SUSD1: variants seen among roughly 807,000 people sequenced by gnomAD.
SUSD1 encodes the protein sushi domain-containing protein 1.
Under a neutral mutation model 86.9 loss-of-function variants are expected in SUSD1, and 65 were observed. That is an observed-to-expected ratio of 0.75 (90% CI 0.61 to 0.92). The LOEUF is 0.92. Among genes scored for constraint, SUSD1 ranks in the 40% least tolerant of loss-of-function variants. The pLI, the probability that SUSD1 is intolerant of heterozygous loss-of-function variation, is 0.00. For synonymous variants in SUSD1, 346 were observed against 350.0 expected, an observed-to-expected ratio of 0.99 and a Z score of 0.13; for missense variants, 850 against 929.7, an observed-to-expected ratio of 0.91 and a Z score of 1.11.
intron 5 of SUSD1, among the ~76,000 whole-genome samples, chr9:112,140,631 G>C (rs1197716333): frequency 1.3e-5 from 2 of 152,126 alleles, no homozygotes; most frequent in African/African-American, 4.8e-5. Context: ...AGCAGAAGCA[G>C]CAAAACAAAG....
chr9:112,122,324 C>A (rs1394775260), intron 6 of SUSD1, among the ~76,000 whole-genome samples: 1 of 152,140 alleles, frequency 6.6e-6, no homozygotes, highest in East Asian at 1.9e-4. Flanking sequence ...CCACACCTGG[C>A]AAATTTTTAA....
intron 8 of SUSD1, 24 bp from the exon 9 acceptor site, chr9:112,102,309 T>C: frequency 7.2e-7 from 1 of 1,384,784 alleles, no homozygotes; most frequent in Non-Finnish European, 1.0e-6. Flanking sequence ...GAGAGAGTTA[T>C]AGACAGCTTG....
At chr9:112,123,664 G>A (rs1170755256) in intron 6 of SUSD1, among the ~76,000 whole-genome samples, 1 of 152,026 alleles carries the variant, frequency 6.6e-6, no homozygotes, top group Non-Finnish European at 1.5e-5. Context: ...GCTGGGCATG[G>A]TGGTGGGCAC....
Position 112,147,844 on chromosome 9 carries a change from CT to C in SUSD1, c.373+1399del, listed in dbSNP as rs201940745. Reference sequence around the variant, plus strand: ...AAACACTAGATCATCATCTTATATGCTTTTTTTTTAGTGTCTTTTCTTCTTA... The same window carrying C: ...AAACACTAGATCATCATCTTATATGCTTTTTTTTAGTGTCTTTTCTTCTTA... On this transcript the variant is annotated intron_variant, in intron 3 of 16. Transcript: ENST00000374270. Among the ~76,000 whole-genome samples, 824 of 139,242 alleles carry C rather than the reference CT, an allele frequency of 5.9e-3. 4 individuals carry two copies. Among genetic ancestry groups the C allele is most frequent in the African/African-American group, 0.018 (624 of 34,402 alleles). The allele number at this position is 139,242 out of a possible 152,430, so 91.3% of individuals were successfully genotyped here.
chr9:112,096,350 C>T (rs1452053079), intron 10 of SUSD1, among the ~76,000 whole-genome samples: 1 of 152,136 alleles, frequency 6.6e-6, no homozygotes, highest in Non-Finnish European at 1.5e-5. Flanking sequence ...TCAGCATTTG[C>T]CAGTCTCCTA....
intron 15 of SUSD1, among the ~76,000 whole-genome samples, chr9:112,051,401 T>C (rs1460545364): frequency 2.5e-4 from 34 of 137,660 alleles, no homozygotes; most frequent in Admixed American, 2.2e-3. Flanking sequence ...GAAGAAGTTT[T>C]TCTTTTCTTT....
At chr9:112,109,306 GA>G (rs1246739853) in intron 8 of SUSD1, among the ~76,000 whole-genome samples, 2 of 152,120 alleles carry the variant, frequency 1.3e-5, no homozygotes, top group East Asian at 3.8e-4. Flanking sequence ...AAAAACAATG[GA>G]AAACTTCCCA....
intron 3 of SUSD1, among the ~76,000 whole-genome samples, chr9:112,145,755 G>A (rs1004114261): frequency 7.2e-5 from 11 of 152,108 alleles, no homozygotes; most frequent in African/African-American, 2.4e-4. Flanking sequence ...TTCAATTGCT[G>A]AAGGAGCCCA....
At chr9:112,147,345 A>G (rs919567804) in intron 3 of SUSD1, among the ~76,000 whole-genome samples, 1 of 152,092 alleles carries the variant, frequency 6.6e-6, no homozygotes, top group Admixed American at 6.6e-5. Context: ...TGTCTCTACT[A>G]AAATACAAAA....
chr9:112,129,898 T>A (rs1831941641), intron 5 of SUSD1, among the ~76,000 whole-genome samples: 1 of 152,192 alleles, frequency 6.6e-6, no homozygotes, highest in African/African-American at 2.4e-5. Flanking sequence ...AAACCAGACA[T>A]CAGCAGATCA....
chr9:112,058,622 C>T lies in SUSD1; in HGVS notation c.1915G>A (p.Ala639Thr), dbSNP rs377416608. ...GAGGCGTTGCTAAAGAAGGAGGAAG[C>T]GCCTTCAGAATCACAAGAAAATGTG... ...QSTFSCDSEG[A>T]SSFFSNASDA... Residue 639 changes from alanine to threonine, a missense_variant, in exon 14 of 17, where the codon GCT becomes ACT. Transcript: ENST00000374270. The T allele has an allele frequency of 6.2e-7, 1 of 1,614,002 alleles. No individual in the cohort carries two copies. Among genetic ancestry groups the T allele is most frequent in the Non-Finnish European group, 8.5e-7 (1 of 1,180,022 alleles).
Position 112,110,974 on chromosome 9 carries a change from G to T in SUSD1, c.1171+680C>A, listed in dbSNP as rs144433865. ...CCTCCTCTTTCACACGCAAGAGCAA[G>T]AAATGGCTTTTTGGTTTTTTTGGGT... On this transcript the variant is annotated intron_variant, in intron 8 of 16. Coordinates refer to ENST00000374270, the MANE Select transcript of SUSD1 (RefSeq NM_022486.5). Among the ~76,000 whole-genome samples the T allele has an allele frequency of 2.6e-5, 4 of 151,324 alleles. No individual in the cohort carries two copies. The East Asian group carries it at 5.8e-4, about 22-fold the overall frequency.
chr9:112,070,908 A>T (rs1829239625), intron 12 of SUSD1, among the ~76,000 whole-genome samples: 1 of 152,184 alleles, frequency 6.6e-6, no homozygotes, highest in African/African-American at 2.4e-5. Context: ...GGGGAGAAAA[A>T]TTACAATGTA....
chr9:112,154,243 CT>C (rs1223159601), intron 2 of SUSD1, among the ~76,000 whole-genome samples: 1 of 151,120 alleles, frequency 6.6e-6, no homozygotes, highest in Non-Finnish European at 1.5e-5. Flanking sequence ...AATCCCAGCA[CT>C]TTGGGAGGCC....
At chr9:112,071,114 C>T (rs936326758) in intron 12 of SUSD1, among the ~76,000 whole-genome samples, 5 of 152,034 alleles carry the variant, frequency 3.3e-5, no homozygotes, top group African/African-American at 7.2e-5. Flanking sequence ...CCTCCTAGAG[C>T]GCTGGAATTA....
At chr9:112,051,598 AT>A (rs2118896387) in intron 15 of SUSD1, among the ~76,000 whole-genome samples, 1 of 151,124 alleles carries the variant, frequency 6.6e-6, no homozygotes, top group Admixed American at 6.6e-5. Context: ...TGCCTGGCTA[AT>A]TTTGTATTTT....
chr9:112,131,981 A>T (rs1812729544), intron 5 of SUSD1, among the ~76,000 whole-genome samples: 2 of 152,340 alleles, frequency 1.3e-5, no homozygotes, highest in South Asian at 4.1e-4. Flanking sequence ...AATTTATAAT[A>T]TAACTTATAT....
At chr9:112,173,673 T>C in intron 1 of SUSD1, 1 of 447,338 alleles carries the variant, frequency 2.2e-6, no homozygotes, top group Admixed American at 2.5e-5. Flanking sequence ...ACGAGCACGT[T>C]TCCCAAGCTT....
intron 15 of SUSD1, among the ~76,000 whole-genome samples, chr9:112,052,001 C>T (rs1326974480): frequency 5.3e-5 from 8 of 152,136 alleles, no homozygotes; most frequent in East Asian, 1.9e-4. Context: ...AATCTTTCCC[C>T]GAATTGAAAA....
Sources: allele counts gnomAD v4.1 joint callset (sites outside exome capture counted in the v4.1 genomes callset), GRCh38; gene constraint gnomAD v4.1.1; transcripts MANE v1.5; gene names NCBI Gene and HGNC (gene_info 2026-07-23, HGNC 2026-07-21).